The following DOCK1 variants were observed in gnomAD, a reference collection of about 807,000 sequenced individuals.
DOCK1 encodes the protein dedicator of cytokinesis protein 1.
Under a neutral mutation model 262.7 loss-of-function variants are expected in DOCK1, and 138 were observed. The observed-to-expected ratio is 0.53, with a 90% CI of 0.46 to 0.61. The LOEUF is 0.61. Ranked by LOEUF, DOCK1 falls within the 20% of genes least tolerant of loss-of-function variation. The pLI is 0.00. For missense variants in DOCK1, 1,908 were observed against 2,370.7 expected (o/e 0.80, Z 4.05); for synonymous variants, 866 against 867.4 (o/e 1.00, Z 0.03).
At chr10:127,251,019 A>G (rs531220364) in intron 28 of DOCK1, among the ~76,000 whole-genome samples, 4 of 151,974 alleles carry the variant, frequency 2.6e-5, no homozygotes, top group South Asian at 4.2e-4. Flanking sequence ...CTGGAGTACA[A>G]TGGTGCAATC....
chr10:127,169,817 C>A (rs767199228), intron 27 of DOCK1, among the ~76,000 whole-genome samples: 2 of 152,114 alleles, frequency 1.3e-5, no homozygotes, highest in African/African-American at 2.4e-5. Flanking sequence ...GTGCACATGA[C>A]CTTCCATTAC....
chr10:127,265,188 A>T (rs1030795514), intron 29 of DOCK1, among the ~76,000 whole-genome samples: 2 of 152,224 alleles, frequency 1.3e-5, no homozygotes, highest in African/African-American at 4.8e-5. Flanking sequence ...GATTTAGCTG[A>T]CCTGATCCAT....
At chr10:127,097,745 A>G (rs2047996863) in intron 23 of DOCK1, among the ~76,000 whole-genome samples, 1 of 152,264 alleles carries the variant, frequency 6.6e-6, no homozygotes. Context: ...TGAAGAAATT[A>G]CTTGCTTAAA....
intron 27 of DOCK1, among the ~76,000 whole-genome samples, chr10:127,133,944 T>G (rs1298156633): frequency 2.0e-5 from 3 of 152,186 alleles, no homozygotes; most frequent in Non-Finnish European, 4.4e-5. Flanking sequence ...GACGTGCTGG[T>G]GTGGGAAGCA....
intron 37 of DOCK1, 112 bp from the exon 38 acceptor site, chr10:127,384,678 C>T: frequency 2.3e-6 from 3 of 1,282,592 alleles, no homozygotes; most frequent in Non-Finnish European, 2.0e-6. Context: ...ACAGCAGCCA[C>T]ACATGTCTCC....
chr10:126,948,508 C>A (rs1391935515), intron 1 of DOCK1, among the ~76,000 whole-genome samples: 1 of 151,800 alleles, frequency 6.6e-6, no homozygotes, highest in Non-Finnish European at 1.5e-5. Flanking sequence ...TAATACTGTC[C>A]AGCCGGGCCT....
At chr10:127,443,417 G>A (rs1251887655) in intron 49 of DOCK1, among the ~76,000 whole-genome samples, 1 of 152,156 alleles carries the variant, frequency 6.6e-6, no homozygotes, top group Non-Finnish European at 1.5e-5. Flanking sequence ...CAGGAGTTCT[G>A]TGTTGTGGTT....
chr10:127,084,715 C>A (rs2047097612), intron 23 of DOCK1, among the ~76,000 whole-genome samples: 1 of 152,146 alleles, frequency 6.6e-6, no homozygotes, highest in Non-Finnish European at 1.5e-5. Context: ...GTAGGTCTTA[C>A]CCTAGGGATG....
chr10:127,093,219 T>TTTCCTTCTTTCTTTCTTTCTTTC (rs149382008), intron 23 of DOCK1, among the ~76,000 whole-genome samples: 1 of 62,904 alleles, frequency 1.6e-5, no homozygotes, highest in African/African-American at 6.8e-5. Context: ...TCTTTCTTTC[T>TTTCCTTCTTTCTTTCTTTCTTTC]TTTCTTTCTT....
chr10:127,418,394 T>C lies in DOCK1; in HGVS notation c.4545T>C (p.Ile1515=), dbSNP rs2229600. 0.28 allele frequency: 456,091 copies of C among 1,612,720 alleles called. 68,379 individuals carry two copies. The highest frequency in any genetic ancestry group is 0.5 in the East Asian group (22,236 of 44,774). Residue 1515 remains isoleucine, a synonymous_variant, in exon 45 of 52, where the codon ATT becomes ATC. Transcript: ENST00000623213. ...MVEISPLENA[I]ETMQLTNDKI... ...AAATCAGCCCCCTGGAGAATGCCAT[T>C]GAGACCATGCAGCTGACGAACGACA...
chr10:127,350,083 T>C (rs1232683513), intron 31 of DOCK1, among the ~76,000 whole-genome samples: 2 of 152,186 alleles, frequency 1.3e-5, no homozygotes, highest in Non-Finnish European at 2.9e-5. Context: ...TCTTTTCTTT[T>C]TTCAGTGAAA....
At chr10:127,131,593 G>A (rs975392226) in intron 27 of DOCK1, among the ~76,000 whole-genome samples, 1 of 152,174 alleles carries the variant, frequency 6.6e-6, no homozygotes, top group Admixed American at 6.5e-5. Flanking sequence ...CAGTGTGAGT[G>A]AAATGCTACC....
intron 5 of DOCK1, among the ~76,000 whole-genome samples, 187 bp from the exon 6 acceptor site, chr10:126,990,268 G>T (rs748760732): frequency 1.3e-5 from 2 of 152,100 alleles, no homozygotes; most frequent in African/African-American, 4.8e-5. Context: ...TTTTAATGTC[G>T]CATGGAAACC....
intron 1 of DOCK1, among the ~76,000 whole-genome samples, chr10:126,967,904 C>T (rs1423224512): frequency 1.3e-5 from 2 of 152,160 alleles, no homozygotes; most frequent in African/African-American, 2.4e-5. Flanking sequence ...ACCTCTGCCT[C>T]CTGGGTTCAA....
chr10:127,066,761 A>G (rs1228211888), intron 23 of DOCK1, among the ~76,000 whole-genome samples: 1 of 152,210 alleles, frequency 6.6e-6, no homozygotes, highest in Non-Finnish European at 1.5e-5. Flanking sequence ...GTATTTCTCA[A>G]CTGATTTAGT....
intron 4 of DOCK1, among the ~76,000 whole-genome samples, chr10:126,984,623 C>G (rs931889615): frequency 5.3e-5 from 8 of 151,968 alleles, no homozygotes; most frequent in African/African-American, 1.7e-4. Flanking sequence ...CCTGCCTTGG[C>G]CTCCCAAAGT....
At chr10:127,298,432 C>A (rs1439583549) in intron 29 of DOCK1, among the ~76,000 whole-genome samples, 5 of 152,196 alleles carry the variant, frequency 3.3e-5, no homozygotes, top group African/African-American at 1.2e-4. Context: ...TAAATTACTG[C>A]TCCTGGTTCA....
At chr10:127,091,837 C>T (rs558460845) in intron 23 of DOCK1, among the ~76,000 whole-genome samples, 11 of 152,254 alleles carry the variant, frequency 7.2e-5, no homozygotes, top group Non-Finnish European at 1.2e-4. Context: ...TCCTGTGCAC[C>T]GACTGCATGC....
intron 27 of DOCK1, among the ~76,000 whole-genome samples, chr10:127,198,095 G>A (rs1348770029): frequency 6.6e-6 from 1 of 152,188 alleles, no homozygotes; most frequent in Admixed American, 6.5e-5. Flanking sequence ...TTACCAGGGA[G>A]GCTGTTGGGA....
Sources: allele counts gnomAD v4.1 joint callset (sites outside exome capture counted in the v4.1 genomes callset), GRCh38; gene constraint gnomAD v4.1.1; transcripts MANE v1.5; gene names NCBI Gene and HGNC (gene_info 2026-07-23, HGNC 2026-07-21).